Variants in PARP14 observed in about 807,000 individuals in gnomAD.
The protein encoded by PARP14 is poly(ADP-ribose) polymerase family member 14.
A neutral mutation model predicts 154.2 loss-of-function variants in PARP14; 59 were observed. The observed-to-expected ratio is 0.38, with a 90% confidence interval of 0.31 to 0.48. PARP14 has a LOEUF of 0.48. Ranked by LOEUF, PARP14 falls within the 20% of genes least tolerant of loss-of-function variation. The probability of loss-of-function intolerance (pLI) is 0.98; values close to 1 mark genes in which losing one functional copy is unlikely to be tolerated. For synonymous variants in PARP14, 720 were observed against 780.5 expected (o/e 0.92, Z 1.29); for missense variants, 1,734 against 2,131.6 (o/e 0.81, Z 3.67).
In PARP14 at chr3:122,701,596, G is replaced by A. The variant is rs746502084; in HGVS notation, c.3042G>A (p.Leu1014=). 7.5e-6 allele frequency: 12 copies of A among 1,604,490 alleles called. No homozygotes were observed. Among genetic ancestry groups the A allele is most frequent in the Non-Finnish European group, 9.4e-6 (11 of 1,175,162 alleles). Residue 1014 remains leucine (L), a synonymous_variant, in exon 6 of 17, where the codon CTG becomes CTA. Transcript: ENST00000474629. The surrounding 1 kb of genome is among the most constrained non-coding windows in gnomAD (Gnocchi z 4.0). ...EKGSLVSPGG[L]QMLLVKEGVQ... is the part of the protein sequence containing the mutation. ...GAAGCCTGGTGTCCCCGGGAGGCCT[G>A]CAGATGCTGTTGGTGAAAGAGGGTG...
intron 7 of PARP14, 47 bp downstream of exon 7, chr3:122,704,025 G>T: frequency 7.5e-7 from 1 of 1,328,844 alleles, no homozygotes; most frequent in Non-Finnish European, 1.1e-6. Context: ...AGCCCTTTGG[G>T]TTCTCCTTTT....
Position 122,729,033 on chromosome 3 carries a change from G to A in PARP14, c.*436G>A, listed in dbSNP as rs923036202. On this transcript the variant is annotated 3_prime_UTR_variant, in exon 17 of 17. Coordinates refer to ENST00000474629, the MANE Select transcript of PARP14 (RefSeq NM_017554.3). ...GGGCTTCTGTCTTCCCTGGGAGCAG[G>A]GATGGTATCTTAGTCAATTTTTTTC... 1 of 160,826 alleles carries A rather than the reference G, an allele frequency of 6.2e-6. No homozygotes were observed. The highest frequency in any genetic ancestry group is 1.7e-4 in the South Asian group (1 of 5,738). 10.0% of individuals were successfully genotyped at this position (160,826 alleles called of 1,614,324 possible).
intron 14 of PARP14, among the ~76,000 whole-genome samples, chr3:122,719,212 A>G (rs553402818): frequency 1.3e-5 from 2 of 152,282 alleles, no homozygotes; most frequent in Non-Finnish European, 2.9e-5. Context: ...TCTCATCTCT[A>G]CAGTTTATAA....
At chr3:122,712,174 C>A (rs1271329034) in intron 9 of PARP14, among the ~76,000 whole-genome samples, 1 of 152,066 alleles carries the variant, frequency 6.6e-6, no homozygotes, top group Non-Finnish European at 1.5e-5. Context: ...ACTTTGACCT[C>A]ATGGATCATA....
Position 122,681,032 on chromosome 3 carries a change from G to A in PARP14, c.149G>A (p.Ser50Asn), listed in dbSNP as rs1202023159. The A allele has an allele frequency of 6.2e-7, 1 of 1,613,792 alleles. No individual in the cohort carries two copies. Among genetic ancestry groups the A allele is most frequent in the Non-Finnish European group, 8.5e-7 (1 of 1,179,736 alleles). ...TGTGAGGTCCGCCAGGATCCCAGGA[G>A]CCCATCCCGCTTCCTGGTGTTCTTC... ...GECEVRQDPRSPSRFLVFFYP... is the reference protein window; with the variant it reads ...GECEVRQDPRNPSRFLVFFYP... Residue 50 changes from serine to asparagine, a missense_variant, in exon 1 of 17, where the codon AGC (serine) becomes AAC (asparagine). Coordinates refer to ENST00000474629, the MANE Select transcript of PARP14 (RefSeq NM_017554.3). The surrounding 1 kb of genome is among the most constrained non-coding windows in gnomAD (Gnocchi z 5.5).
intron 2 of PARP14, 95 bp downstream of exon 2, chr3:122,685,413 C>A: frequency 8.4e-7 from 1 of 1,195,718 alleles, no homozygotes. Context: ...GAAAGAAAAG[C>A]ATGAAGCAAA....
In PARP14 at chr3:122,681,719, T is replaced by C. The variant is rs1393944018; in HGVS notation, c.187+649T>C. On this transcript the variant is annotated intron_variant, in intron 1 of 16. Transcript: ENST00000474629. The surrounding 1 kb of genome is among the most constrained non-coding windows in gnomAD (Gnocchi z 5.5). ...CAGATTGGGAGCAAGGATGATATTCTGAAGTGATTGTGGGTTGGGAGATTT... is the reference window on the plus strand; with the variant it reads ...CAGATTGGGAGCAAGGATGATATTCCGAAGTGATTGTGGGTTGGGAGATTT... Among the ~76,000 whole-genome samples the C allele has an allele frequency of 6.6e-6, 1 of 152,280 alleles. No individual in the cohort carries two copies. The highest frequency in any genetic ancestry group is 3.4e-3 in the Middle Eastern group (1 of 294).
chr3:122,697,880 G>C (rs540728831), intron 5 of PARP14, among the ~76,000 whole-genome samples: 2 of 152,338 alleles, frequency 1.3e-5, no homozygotes, highest in East Asian at 3.9e-4. Context: ...ATCTGTGATG[G>C]TTCTTGAGTC....
At chr3:122,692,217 G>A in intron 3 of PARP14, 84 bp from the exon 4 acceptor site, 1 of 1,140,430 alleles carries the variant, frequency 8.8e-7, no homozygotes, top group Non-Finnish European at 1.3e-6. Context: ...AGGAGAGAGG[G>A]CAGTGCCTTG....
intron 3 of PARP14, among the ~76,000 whole-genome samples, chr3:122,687,749 A>G (rs757739048): frequency 7.2e-5 from 11 of 152,244 alleles, no homozygotes; most frequent in Non-Finnish European, 1.3e-4. Context: ...AGAAGCAACT[A>G]GTTTTCATAG....
chr3:122,707,379 T>TTAAATAAATAAA (rs1270436063), intron 8 of PARP14, among the ~76,000 whole-genome samples: 1 of 37,650 alleles, frequency 2.7e-5, no homozygotes, highest in African/African-American at 8.2e-5. Flanking sequence ...AGACTCCATC[T>TTAAATAAATAAA]CAAATAAATA....
At position 122,728,706 on chromosome 3, in the gene PARP14, A is replaced by G; in HGVS notation, c.*109A>G. ...CTCTTAACAGATTTTTCTAATATCCAAGGATCATTCTTTGTCGCTGAAGTC... is the reference window on the plus strand; with the variant it reads ...CTCTTAACAGATTTTTCTAATATCCGAGGATCATTCTTTGTCGCTGAAGTC... On this transcript the variant is annotated 3_prime_UTR_variant, in exon 17 of 17. Coordinates refer to ENST00000474629, the MANE Select transcript of PARP14 (RefSeq NM_017554.3). 1 of 822,846 alleles carries G rather than the reference A, an allele frequency of 1.2e-6. No homozygotes were observed. The highest frequency in any genetic ancestry group is 2.4e-5 in the East Asian group (1 of 40,894). 51.0% of individuals were successfully genotyped at this position (822,846 alleles called of 1,614,324 possible).
chr3:122,714,449 C>G lies in PARP14; in HGVS notation c.4000+20C>G. On this transcript the variant is annotated intron_variant, in intron 12 of 16. Coordinates refer to ENST00000474629, the MANE Select transcript of PARP14 (RefSeq NM_017554.3). ...GGACAGGTTCGTAGCCTCTGGCTGT[C>G]AAGGCTAAATCCCAAGCCATCTACT... 6.5e-7 allele frequency: 1 copy of G among 1,534,580 alleles called. No individual in the cohort carries two copies. The highest frequency in any genetic ancestry group is 2.3e-5 in the East Asian group (1 of 42,850).
rs1343125526 is a variant in PARP14, at chr3:122,680,879, T to C, written c.-5T>C. On this transcript the variant is annotated 5_prime_UTR_variant, in exon 1 of 17. Transcript: ENST00000474629. ...CCTGCAGTCCGGCGGAGAGCGGAGC[T>C]GAGGATGGCTGTGCCCGGCTCCTTC... 1 of 1,597,240 alleles carries C rather than the reference T, an allele frequency of 6.3e-7. No homozygotes were observed. Among genetic ancestry groups the C allele is most frequent in the Admixed American group, 1.7e-5 (1 of 57,476 alleles).
Position 122,695,589 on chromosome 3 carries a change from A to AG in PARP14, c.767dup (p.Arg257LysfsTer6). 1.9e-6 allele frequency: 3 copies of AG among 1,610,884 alleles called. No individual in the cohort carries two copies. The highest frequency in any genetic ancestry group is 1.3e-5 in the African/African-American group (1 of 74,966). ...TTTTCTTTGAAAATCCCTATAATGGAGGGGGAAGAGTTGCCAATGTTGAAT... is the reference window on the plus strand; with the variant it reads ...TTTTCTTTGAAAATCCCTATAATGGAGGGGGGAAGAGTTGCCAATGTTGAAT... On this transcript the variant is annotated frameshift_variant, in exon 5 of 17. Transcript: ENST00000474629. LOFTEE classifies it high-confidence loss of function.
chr3:122,683,572 G>A (rs991611320), intron 1 of PARP14, among the ~76,000 whole-genome samples: 3 of 152,160 alleles, frequency 2.0e-5, no homozygotes, highest in Non-Finnish European at 4.4e-5. Context: ...GTTCCTTGTG[G>A]TAAGAACCCA....
chr3:122,717,107 C>T (rs923232059), intron 12 of PARP14, among the ~76,000 whole-genome samples: 11 of 152,216 alleles, frequency 7.2e-5, no homozygotes, highest in African/African-American at 2.7e-4. Flanking sequence ...TGAACAACCC[C>T]CCTTGGTTAA....
At chr3:122,697,558 G>A (rs1938818243) in intron 5 of PARP14, among the ~76,000 whole-genome samples, 1 of 152,164 alleles carries the variant, frequency 6.6e-6, no homozygotes, top group South Asian at 2.1e-4. Flanking sequence ...TTCACAATGG[G>A]TTGCCAATAA....
At chr3:122,728,106 G>A (rs1933335737) in intron 16 of PARP14, 120 bp downstream of exon 16, 2 of 987,164 alleles carry the variant, frequency 2.0e-6, no homozygotes, top group Non-Finnish European at 1.5e-6. Flanking sequence ...TGCAGCCCGA[G>A]TTTCAGGGTA....
Sources: allele counts gnomAD v4.1 joint callset (sites outside exome capture counted in the v4.1 genomes callset), GRCh38; gene constraint gnomAD v4.1.1; non-coding constraint Gnocchi (gnomAD v3.1); transcripts MANE v1.5; gene names NCBI Gene and HGNC (gene_info 2026-07-23, HGNC 2026-07-21).